Variants in SLC35D4 observed in about 807,000 individuals in gnomAD.
The protein encoded by SLC35D4 is UDP-N-acetylglucosamine transporter SLC35D4.
the SLC35D4 span, among the ~76,000 whole-genome samples, chr18:23,251,899 A>T: frequency 1.9e-3 from 283 of 152,278 alleles, no homozygotes; most frequent in African/African-American, 6.4e-3. Context: ...CAACCTGGCC[A>T]ACATGGTGAA....
the SLC35D4 span, among the ~76,000 whole-genome samples, chr18:23,395,203 G>A: frequency 3.4e-4 from 52 of 152,130 alleles, no homozygotes; most frequent in Middle Eastern, 3.4e-3. Context: ...CATTAGGGGC[G>A]GATGCTCCAT....
chr18:23,253,623 C>A, the SLC35D4 span: 1 of 940,626 alleles, frequency 1.1e-6, no homozygotes, highest in Non-Finnish European at 1.6e-6. Context: ...CCAGATCACC[C>A]TCTGGGAAAG....
chr18:23,276,917 A>G, the SLC35D4 span, among the ~76,000 whole-genome samples: 1 of 152,182 alleles, frequency 6.6e-6, no homozygotes, highest in African/African-American at 2.4e-5. Context: ...AGATCTTCAA[A>G]AAGTCCTGCT....
At chr18:23,365,789 C>G in the SLC35D4 span, 1 of 1,087,032 alleles carries the variant, frequency 9.2e-7, no homozygotes, top group Non-Finnish European at 1.3e-6. Flanking sequence ...TGCACTGACT[C>G]ACTCTGCCTA....
At chr18:23,308,127 A>G in the SLC35D4 span, among the ~76,000 whole-genome samples, 1 of 152,232 alleles carries the variant, frequency 6.6e-6, no homozygotes, top group Admixed American at 6.5e-5. Flanking sequence ...GGGCTTGCAC[A>G]GGATGTGGCC....
chr18:23,293,520 T>C, the SLC35D4 span, among the ~76,000 whole-genome samples: 4 of 152,272 alleles, frequency 2.6e-5, no homozygotes, highest in Admixed American at 2.6e-4. Flanking sequence ...ACAGCCCATC[T>C]GAATTTGGCC....
the SLC35D4 span, among the ~76,000 whole-genome samples, chr18:23,347,424 CCTAT>C: frequency 2.0e-5 from 3 of 151,222 alleles, no homozygotes; most frequent in African/African-American, 7.4e-5. Context: ...TCTCTTCTCT[CCTAT>C]CTCTCTCTCT....
the SLC35D4 span, among the ~76,000 whole-genome samples, chr18:23,315,143 G>A: frequency 6.6e-6 from 1 of 152,074 alleles, no homozygotes; most frequent in Non-Finnish European, 1.5e-5. Flanking sequence ...AAAAAGTGAT[G>A]CATACAAGAC....
At chr18:23,278,547 C>T in the SLC35D4 span, among the ~76,000 whole-genome samples, 1 of 152,164 alleles carries the variant, frequency 6.6e-6, no homozygotes. Flanking sequence ...GCTATAATTA[C>T]TGTAACCCAT....
At chr18:23,388,386 C>T in the SLC35D4 span, among the ~76,000 whole-genome samples, 2,456 of 152,312 alleles carry the variant, frequency 0.016, 36 homozygotes, top group South Asian at 0.04. Context: ...GATGCTATTA[C>T]CCTGATTTTA....
the SLC35D4 span, among the ~76,000 whole-genome samples, chr18:23,420,798 A>T: frequency 6.6e-6 from 1 of 152,218 alleles, no homozygotes; most frequent in Non-Finnish European, 1.5e-5. Context: ...ATATATCTCA[A>T]TTAACTTTTT....
chr18:23,247,848 C>T, the SLC35D4 span, among the ~76,000 whole-genome samples: 3 of 152,248 alleles, frequency 2.0e-5, no homozygotes, highest in African/African-American at 7.2e-5. Context: ...AGAGCCTCGT[C>T]CTCCTGGTGC....
the SLC35D4 span, among the ~76,000 whole-genome samples, chr18:23,389,807 G>T: frequency 2.0e-4 from 30 of 152,158 alleles, no homozygotes. Flanking sequence ...TCAAAGTGCT[G>T]TGATTTACAG....
At chr18:23,436,379 T>C in the SLC35D4 span, among the ~76,000 whole-genome samples, 2 of 152,206 alleles carry the variant, frequency 1.3e-5, no homozygotes, top group African/African-American at 4.8e-5. Flanking sequence ...GTTAAGAAAC[T>C]TAGGTTTAGA....
At chr18:23,319,132 C>T in the SLC35D4 span, among the ~76,000 whole-genome samples, 3 of 152,102 alleles carry the variant, frequency 2.0e-5, no homozygotes, top group African/African-American at 7.2e-5. Context: ...ATGTGAGGCA[C>T]CGCACCCAAC....
chr18:23,412,166 G>A, the SLC35D4 span, among the ~76,000 whole-genome samples: 3 of 152,020 alleles, frequency 2.0e-5, no homozygotes, highest in Admixed American at 6.6e-5. Context: ...CTAAAAATAC[G>A]AAATTAGCCA....
the SLC35D4 span, among the ~76,000 whole-genome samples, chr18:23,381,144 C>T: frequency 6.6e-6 from 1 of 152,182 alleles, no homozygotes; most frequent in African/African-American, 2.4e-5. Context: ...TTGCTAAAAA[C>T]CACCTACAAT....
the SLC35D4 span, among the ~76,000 whole-genome samples, chr18:23,353,245 G>A: frequency 6.6e-6 from 1 of 152,214 alleles, no homozygotes; most frequent in African/African-American, 2.4e-5. Flanking sequence ...GTAACTCCAA[G>A]CTAGAGAGGC....
chr18:23,294,547 G>T, the SLC35D4 span, among the ~76,000 whole-genome samples: 2 of 152,252 alleles, frequency 1.3e-5, no homozygotes, highest in East Asian at 1.9e-4. Flanking sequence ...AAAGATCTGA[G>T]ATTTTAAGAA....
Sources: allele counts gnomAD v4.1 joint callset (sites outside exome capture counted in the v4.1 genomes callset), GRCh38; gene constraint gnomAD v4.1.1; transcripts MANE v1.5; gene names NCBI Gene and HGNC (gene_info 2026-07-23, HGNC 2026-07-21).